CILK1: variants seen among roughly 807,000 people sequenced by gnomAD.
CILK1 encodes the protein ciliogenesis associated kinase 1, also known as serine/threonine-protein kinase ICK.
In CILK1, 47 loss-of-function variants were observed where a neutral mutation model predicts 79.2. The ratio of observed to expected loss-of-function variants is 0.59; its 90% CI spans 0.47 to 0.76. The LOEUF is 0.76. CILK1 is among the 30% of genes least tolerant of loss of function. CILK1 has a pLI of 0.00. For missense variants in CILK1, 660 were observed against 769.5 expected, an observed-to-expected ratio of 0.86 and a Z score of 1.68; for synonymous variants, 266 against 275.9, an observed-to-expected ratio of 0.96 and a Z score of 0.36.
chr6:53,020,999 A>T (rs920573348), intron 5 of CILK1, among the ~76,000 whole-genome samples: 4 of 152,202 alleles, frequency 2.6e-5, no homozygotes, highest in Non-Finnish European at 5.9e-5. Context: ...TTACCCAGTT[A>T]TGAGATTGTG....
intron 1 of CILK1, among the ~76,000 whole-genome samples, chr6:53,047,464 CT>C (rs60611050): frequency 3.4e-3 from 238 of 70,724 alleles, no homozygotes; most frequent in South Asian, 5.5e-3. Flanking sequence ...CACTACCAGG[CT>C]TTTTTTTTTT....
At chr6:53,032,865 G>C (rs907090745) in intron 3 of CILK1, among the ~76,000 whole-genome samples, 1 of 152,182 alleles carries the variant, frequency 6.6e-6, no homozygotes, top group Non-Finnish European at 1.5e-5. Flanking sequence ...GAACTGAGTA[G>C]AAGGTATGTA....
chr6:53,050,367 T>C (rs1163202041), intron 1 of CILK1, among the ~76,000 whole-genome samples: 5 of 151,440 alleles, frequency 3.3e-5, no homozygotes, highest in Admixed American at 6.6e-5. Flanking sequence ...TACAATTTGT[T>C]AAAAAAAAGA....
At chr6:53,054,411 A>G (rs1452485115) in intron 1 of CILK1, 1 of 152,192 alleles carries the variant, frequency 6.6e-6, no homozygotes, top group Non-Finnish European at 1.5e-5. Context: ...GAAGGGCCCA[A>G]ATGTGAGTTT....
In CILK1 at chr6:53,006,413, C is replaced by T. The variant is rs201939793; in HGVS notation, c.1646G>A (p.Ser549Asn). The T allele has an allele frequency of 1.2e-6, 2 of 1,613,932 alleles. No individual in the cohort carries two copies. The highest frequency in any genetic ancestry group is 1.7e-6 in the Non-Finnish European group (2 of 1,179,896). Reference sequence around the variant, plus strand: ...AGGGACATAGTTTCCAGTCAGTCCACTAGAACTTGTAGAGCTGGAACCAAC... The same window carrying T: ...AGGGACATAGTTTCCAGTCAGTCCATTAGAACTTGTAGAGCTGGAACCAAC... ...NSVGSSSTSS[S>N]GLTGNYVPSF... Residue 549 changes from serine (S) to asparagine (N), a missense_variant, in exon 13 of 14, where the codon AGT (serine) becomes AAT (asparagine). Coordinates refer to ENST00000676107, the MANE Select transcript of CILK1 (RefSeq NM_014920.5).
intron 1 of CILK1, among the ~76,000 whole-genome samples, chr6:53,050,262 G>A (rs1346831686): frequency 6.6e-6 from 1 of 151,770 alleles, no homozygotes; most frequent in Non-Finnish European, 1.5e-5. Flanking sequence ...GTGTAGACCA[G>A]AGACCACATA....
rs576075840 is a variant in CILK1, at chr6:53,037,025, G to A, written c.156+914C>T. Among the ~76,000 whole-genome samples, 9 of 152,218 alleles carry A rather than the reference G, an allele frequency of 5.9e-5. No individual in the cohort carries two copies. In the East Asian group the frequency reaches 9.7e-4, roughly 16 times the overall value. ...GACTATCTGGCCCTTTACAGAAAAC[G>A]TTTGCTGATCCCTGCTTTAGACTTG... is the stretch of plus-strand genomic sequence containing the variant. On this transcript the variant is annotated intron_variant, in intron 3 of 13. Transcript: ENST00000676107.
chr6:53,022,465 T>C (rs1314854051), intron 5 of CILK1, among the ~76,000 whole-genome samples: 1 of 152,234 alleles, frequency 6.6e-6, no homozygotes, highest in Admixed American at 6.5e-5. Context: ...CTGTAGAGGC[T>C]TACAGTCTAG....
Position 53,041,230 on chromosome 6 carries a change from T to C in CILK1, c.7A>G (p.Arg3Gly). The C allele has an allele frequency of 6.2e-7, 1 of 1,612,560 alleles. No individual in the cohort carries two copies. The highest frequency in any genetic ancestry group is 8.5e-7 in the Non-Finnish European group (1 of 1,178,832). MN[R>G]YTTIRQLGDG... ...CCGAGCTGCCTGATTGTTGTGTATC[T>C]ATTCATGGTGTGCCTGCTCAGGCCG... is the stretch of plus-strand genomic sequence containing the variant. Residue 3 changes from arginine to glycine, a missense_variant, in exon 2 of 14, where the codon AGA (arginine) becomes GGA (glycine). Transcript: ENST00000676107.
chr6:53,050,526 ATTTT>A (rs1263961518), intron 1 of CILK1, among the ~76,000 whole-genome samples: 1 of 151,332 alleles, frequency 6.6e-6, no homozygotes, highest in Non-Finnish European at 1.5e-5. Context: ...TGACATATTT[ATTTT>A]ATAAAATTAT....
At chr6:53,015,509 A>G (rs1246180755) in intron 8 of CILK1, among the ~76,000 whole-genome samples, 1 of 152,218 alleles carries the variant, frequency 6.6e-6, no homozygotes, top group Non-Finnish European at 1.5e-5. Context: ...TAAACTTTCC[A>G]AGATTGAGTT....
At chr6:53,019,453 T>A in intron 5 of CILK1, 94 bp from the exon 6 acceptor site, 1 of 1,403,856 alleles carries the variant, frequency 7.1e-7, no homozygotes, top group Non-Finnish European at 9.9e-7. Context: ...AGTTATAATT[T>A]AAAAAGTAGT....
At chr6:53,047,370 T>C (rs1767151553) in intron 1 of CILK1, among the ~76,000 whole-genome samples, 1 of 150,830 alleles carries the variant, frequency 6.6e-6, no homozygotes, top group South Asian at 2.1e-4. Flanking sequence ...GTGGTGAAAA[T>C]CACAGCTCAC....
intron 3 of CILK1, among the ~76,000 whole-genome samples, chr6:53,035,587 G>T (rs964836307): frequency 1.3e-5 from 2 of 152,154 alleles, no homozygotes; most frequent in Non-Finnish European, 2.9e-5. Context: ...GTGAGGTGCA[G>T]AATATCCCTG....
At chr6:53,007,700 C>A (rs898609231) in intron 12 of CILK1, among the ~76,000 whole-genome samples, 1 of 151,060 alleles carries the variant, frequency 6.6e-6, no homozygotes, top group African/African-American at 2.4e-5. Flanking sequence ...GAGACCCAGG[C>A]GGGTGGATCA....
At chr6:53,006,110 T>G (rs563099215) in intron 13 of CILK1, among the ~76,000 whole-genome samples, 2 of 152,312 alleles carry the variant, frequency 1.3e-5, no homozygotes, top group South Asian at 4.1e-4. Flanking sequence ...CTACCTCCTG[T>G]CTGCTGTATT....
intron 13 of CILK1, among the ~76,000 whole-genome samples, 167 bp from the exon 14 acceptor site, chr6:53,005,470 G>A (rs569408876): frequency 6.6e-6 from 1 of 152,268 alleles, no homozygotes; most frequent in East Asian, 1.9e-4. Flanking sequence ...TCGTTTTAAA[G>A]TTGTCAGGCC....
intron 5 of CILK1, among the ~76,000 whole-genome samples, chr6:53,021,982 G>A (rs1473912683): frequency 6.6e-6 from 1 of 151,886 alleles, no homozygotes; most frequent in Non-Finnish European, 1.5e-5. Flanking sequence ...TGTAGGCCTA[G>A]GCTAATGTGT....
chr6:53,051,083 T>C (rs1363984627), intron 1 of CILK1, among the ~76,000 whole-genome samples: 3 of 152,054 alleles, frequency 2.0e-5, no homozygotes, highest in Admixed American at 2.0e-4. Context: ...GACACTGGAT[T>C]AAGTTCCTAC....
Sources: allele counts gnomAD v4.1 joint callset (sites outside exome capture counted in the v4.1 genomes callset), GRCh38; gene constraint gnomAD v4.1.1; transcripts MANE v1.5; gene names NCBI Gene and HGNC (gene_info 2026-07-23, HGNC 2026-07-21).